RALGAPB: variants seen among roughly 807,000 people sequenced by gnomAD.
RALGAPB encodes the protein Ral GTPase activating protein non-catalytic subunit beta.
In RALGAPB, 25 loss-of-function variants were observed where a neutral mutation model predicts 161.1. The observed-to-expected ratio is 0.16, with a 90% CI of 0.11 to 0.22. The LOEUF (loss-of-function observed/expected upper bound fraction) is 0.22, where lower values mean the gene tolerates loss of function less well. RALGAPB is among the 10% of genes least tolerant of loss of function. The pLI, the probability that RALGAPB is intolerant of heterozygous loss-of-function variation, is 1.00. For synonymous variants in RALGAPB, 629 were observed against 626.1 expected, an observed-to-expected ratio of 1.00 and a Z score of -0.07; for missense variants, 1,391 against 1,815.2, an observed-to-expected ratio of 0.77 and a Z score of 4.25.
Position 38,497,442 on chromosome 20 carries a change from G to A in RALGAPB, c.479G>A (p.Arg160Gln), listed in dbSNP as rs746576542. ...KLARESSLMA[R>Q]ETWEVLLLFL... ...GCCCGTGAGTCATCTCTCATGGCCC[G>A]AGAAACTTGGGAAGTCTTACTGTTG... Residue 160 changes from arginine to glutamine, a missense_variant, in exon 4 of 30, where the codon CGA becomes CAA. Transcript: ENST00000262879. The A allele has an allele frequency of 6.2e-6, 10 of 1,614,048 alleles. No homozygotes were observed. Among genetic ancestry groups the A allele is most frequent in the Admixed American group, 1.7e-5 (1 of 60,014 alleles).
chr20:38,492,889 G>T, intron 2 of RALGAPB, 41 bp from the exon 3 acceptor site: 1 of 1,489,986 alleles, frequency 6.7e-7, no homozygotes, highest in South Asian at 1.1e-5. Context: ...ACTGAGATAG[G>T]AACGTGTAAT....
intron 5 of RALGAPB, among the ~76,000 whole-genome samples, chr20:38,508,641 T>C (rs1299643835): frequency 6.6e-6 from 1 of 152,180 alleles, no homozygotes. Flanking sequence ...CAAAAACTCA[T>C]GTATCTTGTA....
In RALGAPB at chr20:38,569,892, G is replaced by T. The variant is rs1465382039; in HGVS notation, c.3959G>T (p.Ser1320Ile). The part of the protein sequence containing the change: ...TDNLNSSQRL[S>I]PSSRMRKLPQ... ...GTCTTCTTCTTCTTCATGTAGCTCA[G>T]TCCCAGTTCCAGAATGAGGAAGCTG... Residue 1320 changes from serine (S) to isoleucine (I), a missense_variant, in exon 27 of 30, where the codon AGT becomes ATT. Physicochemically the swap from Ser to Ile is moderately radical, Grantham distance 142. Coordinates refer to ENST00000262879, the MANE Select transcript of RALGAPB (RefSeq NM_020336.4). 1 of 1,612,676 alleles carries T rather than the reference G, an allele frequency of 6.2e-7. No homozygotes were observed. The highest frequency in any genetic ancestry group is 8.5e-7 in the Non-Finnish European group (1 of 1,179,036).
intron 18 of RALGAPB, among the ~76,000 whole-genome samples, chr20:38,544,811 A>T (rs189315374): frequency 6.6e-6 from 1 of 152,188 alleles, no homozygotes; most frequent in Non-Finnish European, 1.5e-5. Context: ...TTTAAACTCT[A>T]TATAATACTA....
intron 1 of RALGAPB, among the ~76,000 whole-genome samples, chr20:38,487,885 A>G (rs2085164847): frequency 6.6e-6 from 1 of 152,056 alleles, no homozygotes; most frequent in Non-Finnish European, 1.5e-5. Context: ...TGACCAATGT[A>G]GAGAAACCCT....
intron 21 of RALGAPB, 53 bp downstream of exon 21, chr20:38,551,276 C>G (rs771210963): frequency 3.2e-6 from 5 of 1,564,962 alleles, no homozygotes; most frequent in Admixed American, 1.7e-5. Flanking sequence ...AACATTCTTA[C>G]GACTTCCTTG....
intron 1 of RALGAPB, among the ~76,000 whole-genome samples, chr20:38,480,515 T>C (rs980035886): frequency 1.3e-5 from 2 of 150,872 alleles, no homozygotes; most frequent in African/African-American, 4.9e-5. Flanking sequence ...GCCTCCTGAG[T>C]AGCTGGGATT....
At chr20:38,483,758 G>GA (rs1323523979) in intron 1 of RALGAPB, among the ~76,000 whole-genome samples, 1 of 152,178 alleles carries the variant, frequency 6.6e-6, no homozygotes, top group Non-Finnish European at 1.5e-5. Flanking sequence ...GCTATCCTGA[G>GA]AGGTTGATTC....
At chr20:38,553,249 C>T (rs771167661) in intron 21 of RALGAPB, among the ~76,000 whole-genome samples, 3 of 152,060 alleles carry the variant, frequency 2.0e-5, no homozygotes, top group Non-Finnish European at 2.9e-5. Flanking sequence ...TTAGAAGGAT[C>T]GTTACTCACC....
chr20:38,489,287 C>A (rs1055609539), intron 2 of RALGAPB, among the ~76,000 whole-genome samples: 5 of 152,122 alleles, frequency 3.3e-5, no homozygotes, highest in African/African-American at 1.2e-4. Flanking sequence ...AATGATTCTT[C>A]CACCCCAGTG....
At chr20:38,549,952 C>T (rs934377770) in intron 20 of RALGAPB, among the ~76,000 whole-genome samples, 1 of 152,050 alleles carries the variant, frequency 6.6e-6, no homozygotes, top group South Asian at 2.1e-4. Context: ...CACCATGGAA[C>T]ACTATGCAGC....
intron 13 of RALGAPB, among the ~76,000 whole-genome samples, chr20:38,529,517 CAAA>C (rs60868083): frequency 1.6e-5 from 2 of 122,330 alleles, no homozygotes; most frequent in Non-Finnish European, 1.7e-5. Flanking sequence ...AACTCCGTCT[CAAA>C]AAAAAAAAAT....
rs2085858758 is a variant in RALGAPB, at chr20:38,509,159, GATA to G, written c.826_828del (p.Asn276del). On this transcript the variant is annotated inframe_deletion, in exon 6 of 30. Coordinates refer to ENST00000262879, the MANE Select transcript of RALGAPB (RefSeq NM_020336.4). The stretch of plus-strand genomic sequence containing the variant: ...TGCCAGTCTGATCCCTCCAGAAATG[GATA>G]ATGAGTGTGTTGCACAGACATGGTT... 3.7e-6 allele frequency: 6 copies of G among 1,613,692 alleles called. No individual in the cohort carries two copies. Among genetic ancestry groups the G allele is most frequent in the Admixed American group, 3.3e-5 (2 of 60,012 alleles).
chr20:38,528,219 T>C (rs888900828), intron 13 of RALGAPB, among the ~76,000 whole-genome samples: 9 of 152,168 alleles, frequency 5.9e-5, no homozygotes, highest in African/African-American at 2.2e-4. Flanking sequence ...TTCCATAATA[T>C]TTTCCTTAGT....
intron 25 of RALGAPB, among the ~76,000 whole-genome samples, 170 bp downstream of exon 25, chr20:38,565,648 GA>G (rs2145507723): frequency 6.6e-6 from 1 of 152,212 alleles, no homozygotes; most frequent in East Asian, 1.9e-4. Flanking sequence ...CTTTTTTATG[GA>G]AAGTAGTTAA....
intron 1 of RALGAPB, among the ~76,000 whole-genome samples, chr20:38,486,129 C>A (rs576482986): frequency 1.3e-5 from 2 of 152,014 alleles, no homozygotes; most frequent in East Asian, 3.9e-4. Flanking sequence ...GACACCATGC[C>A]CAGCTAATTT....
chr20:38,565,569 G>A (rs1213842727), intron 25 of RALGAPB, 91 bp downstream of exon 25: 10 of 1,411,864 alleles, frequency 7.1e-6, no homozygotes, highest in Non-Finnish European at 7.7e-6. Flanking sequence ...ATTTTGAAGT[G>A]ATCTAAGGCA....
chr20:38,570,776 T>G lies in RALGAPB; in HGVS notation c.4071T>G (p.Phe1357Leu), dbSNP rs752547430. Reference sequence around the variant, plus strand: ...GCTATTATTTTCTTCCAGAAAACTTTCCCCTCTCAGAGCTGATGACAGAGA... The same window carrying G: ...GCTATTATTTTCTTCCAGAAAACTTGCCCCTCTCAGAGCTGATGACAGAGA... Reference protein sequence around the residue: ...WVERYDDIENFPLSELMTEIS... With the variant: ...WVERYDDIENLPLSELMTEIS... Residue 1357 changes from phenylalanine to leucine, a missense_variant, in exon 28 of 30, where the codon TTT (phenylalanine) becomes TTG (leucine). Phe to Leu is a conservative substitution (Grantham distance 22). Coordinates refer to ENST00000262879, the MANE Select transcript of RALGAPB (RefSeq NM_020336.4). The G allele has an allele frequency of 6.3e-7, 1 of 1,599,074 alleles. No individual in the cohort carries two copies. The highest frequency in any genetic ancestry group is 8.6e-7 in the Non-Finnish European group (1 of 1,168,098).
Position 38,565,206 on chromosome 20 carries a change from A to G in RALGAPB, c.3698-153A>G, listed in dbSNP as rs115760428. 970 of 819,010 alleles carry G rather than the reference A, an allele frequency of 1.2e-3. 6 individuals carry two copies. In the African/African-American group the frequency reaches 0.015, roughly 13 times the overall value. The allele number at this position is 819,010 out of a possible 1,614,324, so 50.7% of individuals were successfully genotyped here. A position where few individuals can be genotyped will look rare whatever the true frequency, so the allele number is the denominator to read the frequency against. On this transcript the variant is annotated intron_variant, in intron 24 of 29. Coordinates refer to ENST00000262879, the MANE Select transcript of RALGAPB (RefSeq NM_020336.4). ...TTAAAAATAAAGACATCTAATAAGC[A>G]TTATATTTTATTCTTTCATACTAAT...
Sources: gnomAD v4.1 joint callset for allele counts (sites outside exome capture counted in the v4.1 genomes callset) on GRCh38, gnomAD v4.1.1 for gene constraint, MANE v1.5 for transcripts, NCBI Gene and HGNC (gene_info 2026-07-23, HGNC 2026-07-21) for gene names.